The following PCDHA8 variants were observed in gnomAD, a reference collection of about 807,000 sequenced individuals.
The protein encoded by PCDHA8 is protocadherin alpha 8, also known as protocadherin alpha-8.
In PCDHA8, 53 loss-of-function variants were observed where a neutral mutation model predicts 61.8. The ratio of observed to expected loss-of-function variants is 0.86; its 90% confidence interval spans 0.69 to 1.08. PCDHA8 has a LOEUF of 1.08. PCDHA8 is among the 50% of genes least tolerant of loss of function. PCDHA8 has a pLI of 0.00. For synonymous variants in PCDHA8, 618 were observed against 556.6 expected, an observed-to-expected ratio of 1.11 and a Z score of -1.55; for missense variants, 1,293 against 1,245.0, an observed-to-expected ratio of 1.04 and a Z score of -0.58.
intron 3 of PCDHA8, among the ~76,000 whole-genome samples, chr5:140,988,517 T>C (rs184897922): frequency 3.0e-3 from 461 of 152,278 alleles, no homozygotes; most frequent in Middle Eastern, 0.014. Context: ...CTTACTTAAG[T>C]CTCTGCTGGC....
Position 141,010,344 on chromosome 5 carries a change from G to C in PCDHA8, c.*407G>C. ...CAGCTTGGGAGTTTGTGGCCACTGG[G>C]TATGTGTGGCTACCGCGGGTATGCG... is the stretch of plus-strand genomic sequence containing the variant. On this transcript the variant is annotated 3_prime_UTR_variant, in exon 4 of 4. Transcript: ENST00000531613. 1 of 1,518,888 alleles carries C rather than the reference G, an allele frequency of 6.6e-7. No homozygotes were observed. Among genetic ancestry groups the C allele is most frequent in the Non-Finnish European group, 8.8e-7 (1 of 1,132,764 alleles). The allele number at this position is 1,518,888 out of a possible 1,614,324, so 94.1% of individuals were successfully genotyped here.
intron 1 of PCDHA8, among the ~76,000 whole-genome samples, chr5:140,898,222 T>G (rs1373386970): frequency 1.3e-5 from 2 of 152,230 alleles, no homozygotes; most frequent in Non-Finnish European, 2.9e-5. Flanking sequence ...TTTTGGCTTT[T>G]GTTGCCATTG....
intron 1 of PCDHA8, chr5:140,883,793 T>C (rs782783912): frequency 6.2e-7 from 1 of 1,612,328 alleles, no homozygotes; most frequent in South Asian, 1.1e-5. Flanking sequence ...GAGCTACGTG[T>C]CGGTGCACGC....
chr5:140,882,189 T>C, intron 1 of PCDHA8: 2 of 1,519,304 alleles, frequency 1.3e-6, no homozygotes, highest in Admixed American at 2.2e-5. Flanking sequence ...TAGGAAGCCA[T>C]AAAAATTGGG....
At chr5:140,971,752 A>C (rs1367685618) in intron 1 of PCDHA8, among the ~76,000 whole-genome samples, 2 of 138,248 alleles carry the variant, frequency 1.4e-5, no homozygotes, top group Non-Finnish European at 3.3e-5. Context: ...TATATCTCAT[A>C]TTACTGAATC....
In PCDHA8 at chr5:140,842,705, G is replaced by C. The variant is rs2150342552; in HGVS notation, c.1384G>C (p.Val462Leu). 4 of 1,595,328 alleles carry C rather than the reference G, an allele frequency of 2.5e-6. No homozygotes were observed. The African/African-American group carries it at 4.0e-5, about 16-fold the overall frequency. Residue 462 changes from valine to leucine, a missense_variant, in exon 1 of 4, where the codon GTG becomes CTG. Val to Leu is a conservative substitution (Grantham distance 32, BLOSUM62 1). Coordinates refer to ENST00000531613, the MANE Select transcript of PCDHA8 (RefSeq NM_018911.3). ...APAFAQPEYTVFVKENNPPGC... is the reference protein window; with the variant it reads ...APAFAQPEYTLFVKENNPPGC... ...GGCGTTCGCGCAGCCCGAGTACACG[G>C]TGTTCGTGAAGGAGAACAACCCGCC... is the stretch of plus-strand genomic sequence containing the variant.
In PCDHA8 at chr5:140,856,020, G is replaced by C. The variant is rs782082828; in HGVS notation, c.2394+12305G>C. 111 of 1,553,262 alleles carry C rather than the reference G, an allele frequency of 7.1e-5. 11 individuals are homozygous for C. Among genetic ancestry groups the C allele is most frequent in the Non-Finnish European group, 9.5e-5 (109 of 1,143,834 alleles). ...TATGTGCGTTCTAGACCGCTGATTC[G>C]TCGATTTGTAAAACAAGAGAAGGAT... On this transcript the variant is annotated intron_variant, in intron 1 of 3. Coordinates refer to ENST00000531613, the MANE Select transcript of PCDHA8 (RefSeq NM_018911.3).
At chr5:140,929,316 C>G in intron 1 of PCDHA8, 1 of 1,556,954 alleles carries the variant, frequency 6.4e-7, no homozygotes, top group Non-Finnish European at 8.7e-7. Flanking sequence ...ACGCTAATGT[C>G]AATGCCATGG....
At position 140,841,933 on chromosome 5, in the gene PCDHA8, C is replaced by G. The variant is rs2150325780; in HGVS notation, c.612C>G (p.Asp204Glu). 2 of 1,613,858 alleles carry G rather than the reference C, an allele frequency of 1.2e-6. No individual in the cohort carries two copies. The highest frequency in any genetic ancestry group is 1.7e-6 in the Non-Finnish European group (2 of 1,179,848). Reference sequence around the variant, plus strand: ...TAAGAAAATCCTTGGACAGAGAGGACGCTCCTGCGCACCACTTATTCCTGA... The same window carrying G: ...TAAGAAAATCCTTGGACAGAGAGGAGGCTCCTGCGCACCACTTATTCCTGA... ...LVLRKSLDRE[D>E]APAHHLFLTA... Residue 204 changes from aspartate (D) to glutamate (E), a missense_variant, in exon 1 of 4, where the codon GAC becomes GAG. Coordinates refer to ENST00000531613, the MANE Select transcript of PCDHA8 (RefSeq NM_018911.3).
At position 140,943,090 on chromosome 5, in the gene PCDHA8, C is replaced by A. The variant is rs554425182; in HGVS notation, c.2395-35859C>A. On this transcript the variant is annotated intron_variant, in intron 1 of 3. Coordinates refer to ENST00000531613, the MANE Select transcript of PCDHA8 (RefSeq NM_018911.3). The stretch of plus-strand genomic sequence containing the variant: ...TGACCAACATGGTGAAATCCTGCCT[C>A]TACTAAAAAATACAAAAATTAGCCA... Among the ~76,000 whole-genome samples the A allele has an allele frequency of 1.8e-4, 27 of 151,656 alleles. No homozygotes were observed. The South Asian group carries it at 2.5e-3, about 14-fold the overall frequency.
At chr5:140,865,318 CT>C (rs1554159374) in intron 1 of PCDHA8, 1 of 152,042 alleles carries the variant, frequency 6.6e-6, no homozygotes, top group Non-Finnish European at 1.5e-5. Flanking sequence ...ATGAGATGGC[CT>C]TTAATTCTGT....
intron 1 of PCDHA8, among the ~76,000 whole-genome samples, chr5:140,879,219 A>G (rs2057906971): frequency 6.6e-6 from 1 of 152,252 alleles, no homozygotes; most frequent in South Asian, 2.1e-4. Context: ...AATGAATTGA[A>G]AAAGACATAT....
intron 1 of PCDHA8, among the ~76,000 whole-genome samples, chr5:140,909,158 A>G (rs2074345366): frequency 6.6e-6 from 1 of 152,338 alleles, no homozygotes; most frequent in Non-Finnish European, 1.5e-5. Flanking sequence ...TATGGAAGGG[A>G]AAATCAATCA....
chr5:140,868,706 CAA>C (rs1562618527), intron 1 of PCDHA8: 1 of 185,252 alleles, frequency 5.4e-6, no homozygotes, highest in Non-Finnish European at 1.1e-5. Flanking sequence ...AACATAGACA[CAA>C]TAATTTAAAT....
At chr5:140,908,041 G>T (rs2073758972) in intron 1 of PCDHA8, among the ~76,000 whole-genome samples, 1 of 152,112 alleles carries the variant, frequency 6.6e-6, no homozygotes, top group Non-Finnish European at 1.5e-5. Context: ...GTATATAATT[G>T]CACATCCGGC....
At chr5:140,902,203 C>CT (rs148688132) in intron 1 of PCDHA8, among the ~76,000 whole-genome samples, 2,237 of 124,430 alleles carry the variant, frequency 0.018, 39 homozygotes, top group East Asian at 0.05. Context: ...CTCTCTCTTT[C>CT]TTTTTTTTTT....
At chr5:140,875,925 T>C in intron 1 of PCDHA8, 2 of 1,614,142 alleles carry the variant, frequency 1.2e-6, no homozygotes. Context: ...TGGACTCTCA[T>C]TTTCCTCTAG....
intron 3 of PCDHA8, among the ~76,000 whole-genome samples, chr5:141,007,395 C>CAAAAAAAAA (rs35800918): frequency 8.4e-5 from 8 of 94,856 alleles, no homozygotes; most frequent in East Asian, 2.9e-4. Context: ...TACTAAAATA[C>CAAAAAAAAA]AAAAAAAAAA....
In PCDHA8 at chr5:141,010,033, G is replaced by A. The variant is rs2098415819; in HGVS notation, c.*96G>A. 1.9e-6 allele frequency: 3 copies of A among 1,581,924 alleles called. No homozygotes were observed. The South Asian group carries it at 3.6e-5, about 19-fold the overall frequency. ...CCCTGCTCCTTTTTCCTATCTACAT[G>A]AGCCCTCTTAGAGACCTCAGAAATC... On this transcript the variant is annotated 3_prime_UTR_variant, in exon 4 of 4. Transcript: ENST00000531613.
Sources: allele counts gnomAD v4.1 joint callset (sites outside exome capture counted in the v4.1 genomes callset), GRCh38; gene constraint gnomAD v4.1.1; transcripts MANE v1.5; gene names NCBI Gene and HGNC (gene_info 2026-07-23, HGNC 2026-07-21).